GRID2: variants seen among roughly 807,000 people sequenced by gnomAD.
The protein encoded by GRID2 is glutamate ionotropic receptor delta type subunit 2.
A neutral mutation model predicts 114.8 loss-of-function variants in GRID2; 33 were observed. The ratio of observed to expected loss-of-function variants is 0.29; its 90% CI spans 0.22 to 0.38. The LOEUF is 0.38. Ranked by LOEUF, GRID2 falls within the 10% of genes least tolerant of loss-of-function variation. The pLI, the probability that GRID2 is intolerant of heterozygous loss-of-function variation, is 1.00. For missense variants in GRID2, 1,184 were observed against 1,257.7 expected (o/e 0.94, Z 0.89); for synonymous variants, 505 against 449.9 (o/e 1.12, Z -1.55).
intron 10 of GRID2, among the ~76,000 whole-genome samples, chr4:93,451,446 C>T (rs1722673099): frequency 6.6e-6 from 1 of 152,016 alleles, no homozygotes; most frequent in African/African-American, 2.4e-5. Flanking sequence ...TGTACAAAGA[C>T]CATGCATCAG....
At chr4:93,239,138 A>AAT (rs991640917) in intron 8 of GRID2, among the ~76,000 whole-genome samples, 12 of 142,332 alleles carry the variant, frequency 8.4e-5, no homozygotes, top group South Asian at 2.2e-4. Flanking sequence ...ATATATATCA[A>AAT]ATATATATAT....
chr4:93,055,720 A>G (rs756043924), intron 2 of GRID2, among the ~76,000 whole-genome samples: 2 of 151,938 alleles, frequency 1.3e-5, no homozygotes, highest in Non-Finnish European at 2.9e-5. Flanking sequence ...TTCTACTGTT[A>G]TATTTGTCTC....
chr4:92,415,740 G>GTATATATATATATATATA (rs70940888), intron 1 of GRID2, among the ~76,000 whole-genome samples: 5 of 82,216 alleles, frequency 6.1e-5, no homozygotes, highest in Non-Finnish European at 9.6e-5. Context: ...GTGTATGTGT[G>GTATATATATATATATATA]TATATATATA....
intron 8 of GRID2, among the ~76,000 whole-genome samples, chr4:93,280,051 T>C (rs1205411864): frequency 6.6e-6 from 1 of 151,826 alleles, no homozygotes; most frequent in Non-Finnish European, 1.5e-5. Context: ...GTTGCAGAAG[T>C]ACAAGCAAAA....
chr4:93,611,978 G>C (rs1282095159), intron 13 of GRID2, among the ~76,000 whole-genome samples: 1 of 148,718 alleles, frequency 6.7e-6, no homozygotes, highest in African/African-American at 2.5e-5. Flanking sequence ...CTCAGGACTT[G>C]CTTTATGAAT....
At chr4:92,998,320 T>A (rs1306290458) in intron 2 of GRID2, among the ~76,000 whole-genome samples, 1 of 152,092 alleles carries the variant, frequency 6.6e-6, no homozygotes, top group Non-Finnish European at 1.5e-5. Flanking sequence ...CTATTTTCAC[T>A]GATCTTAATC....
intron 2 of GRID2, among the ~76,000 whole-genome samples, chr4:92,975,485 T>C (rs548437835): frequency 6.6e-6 from 1 of 152,208 alleles, no homozygotes; most frequent in South Asian, 2.1e-4. Flanking sequence ...TCAGTACTTA[T>C]CAATGAAAAA....
intron 2 of GRID2, among the ~76,000 whole-genome samples, chr4:92,613,541 G>T (rs1242765643): frequency 1.3e-5 from 2 of 151,400 alleles, no homozygotes; most frequent in Non-Finnish European, 3.0e-5. Context: ...ATGTTCTGAA[G>T]ACTTTTTGCA....
intron 2 of GRID2, among the ~76,000 whole-genome samples, chr4:92,878,664 C>G (rs912590795): frequency 6.6e-6 from 1 of 152,076 alleles, no homozygotes; most frequent in Non-Finnish European, 1.5e-5. Context: ...CTGAATCACA[C>G]TTTTTTCTTT....
At chr4:92,628,605 G>A (rs564826903) in intron 2 of GRID2, among the ~76,000 whole-genome samples, 25 of 152,048 alleles carry the variant, frequency 1.6e-4, no homozygotes, top group South Asian at 4.1e-4. Context: ...CGATCTGCCC[G>A]CCTCGGCCTC....
intron 8 of GRID2, among the ~76,000 whole-genome samples, chr4:93,301,259 T>A (rs1020392356): frequency 6.6e-6 from 1 of 152,198 alleles, no homozygotes; most frequent in Non-Finnish European, 1.5e-5. Context: ...CCAAATAAGC[T>A]CTTTTTGACA....
intron 14 of GRID2, among the ~76,000 whole-genome samples, chr4:93,662,416 G>GGTAT (rs1294999534): frequency 6.6e-6 from 1 of 152,080 alleles, no homozygotes; most frequent in Non-Finnish European, 1.5e-5. Context: ...TATTCACTGT[G>GGTAT]GTATGCCCAG....
At chr4:92,732,238 A>G (rs1014412846) in intron 2 of GRID2, among the ~76,000 whole-genome samples, 7 of 152,048 alleles carry the variant, frequency 4.6e-5, no homozygotes, top group East Asian at 1.9e-4. Flanking sequence ...GTGTTCTGTC[A>G]TTGTGTGTAT....
At chr4:92,446,931 T>C (rs1346033870) in intron 1 of GRID2, among the ~76,000 whole-genome samples, 1 of 152,194 alleles carries the variant, frequency 6.6e-6, no homozygotes, top group Non-Finnish European at 1.5e-5. Context: ...TTGGATTCTG[T>C]CCAACAGATC....
intron 4 of GRID2, among the ~76,000 whole-genome samples, chr4:93,133,124 T>C (rs1256532997): frequency 6.6e-6 from 1 of 152,168 alleles, no homozygotes; most frequent in Non-Finnish European, 1.5e-5. Context: ...AGCTTTTCCT[T>C]TGCATGCTCT....
intron 8 of GRID2, among the ~76,000 whole-genome samples, chr4:93,253,877 T>C (rs1749264834): frequency 6.6e-6 from 1 of 152,150 alleles, no homozygotes; most frequent in Non-Finnish European, 1.5e-5. Flanking sequence ...TCGATATAGG[T>C]TCCCCGAGTG....
At chr4:93,444,155 A>C (rs992880160) in intron 10 of GRID2, among the ~76,000 whole-genome samples, 4 of 152,034 alleles carry the variant, frequency 2.6e-5, no homozygotes, top group African/African-American at 9.7e-5. Flanking sequence ...AAAATACATT[A>C]GAAAAGGAAA....
chr4:92,585,556 T>C (rs973991390), intron 1 of GRID2, among the ~76,000 whole-genome samples: 10 of 152,026 alleles, frequency 6.6e-5, no homozygotes, highest in Non-Finnish European at 1.2e-4. Flanking sequence ...TTGGTTTCAA[T>C]ATTTAGAGTC....
chr4:93,019,865 C>T (rs1208224163), intron 2 of GRID2, among the ~76,000 whole-genome samples: 2 of 151,982 alleles, frequency 1.3e-5, no homozygotes, highest in East Asian at 1.9e-4. Flanking sequence ...TCATGTACAG[C>T]CATTATACAT....
Sources: allele counts gnomAD v4.1 joint callset (sites outside exome capture counted in the v4.1 genomes callset), GRCh38; gene constraint gnomAD v4.1.1; transcripts MANE v1.5; gene names NCBI Gene and HGNC (gene_info 2026-07-23, HGNC 2026-07-21).